Variants in RSF1 observed in about 807,000 individuals in gnomAD.
RSF1 encodes the protein remodeling and spacing factor 1, also known as HBV pX-associated protein 8.
In RSF1, 13 loss-of-function variants were observed where a neutral mutation model predicts 145.2. The observed-to-expected ratio is 0.09, with a 90% CI of 0.06 to 0.14. The LOEUF is 0.14. Ranked by LOEUF, RSF1 falls within the 10% of genes least tolerant of loss-of-function variation. RSF1 has a pLI of 1.00. For missense variants in RSF1, 1,517 were observed against 1,718.2 expected, an observed-to-expected ratio of 0.88 and a Z score of 2.07; for synonymous variants, 577 against 592.6, an observed-to-expected ratio of 0.97 and a Z score of 0.38.
At chr11:77,766,015 TG>T (rs1480134769) in intron 1 of RSF1, among the ~76,000 whole-genome samples, 1 of 152,082 alleles carries the variant, frequency 6.6e-6, no homozygotes, top group Non-Finnish European at 1.5e-5. Flanking sequence ...CCCAAAATGC[TG>T]GGATTACAGG....
At chr11:77,670,608 A>G (rs533620870) in intron 15 of RSF1, among the ~76,000 whole-genome samples, 1 of 152,282 alleles carries the variant, frequency 6.6e-6, no homozygotes, top group South Asian at 2.1e-4. Flanking sequence ...AATAGGGCCT[A>G]GCTTAATAAA....
At chr11:77,713,637 C>A (rs545927678) in intron 5 of RSF1, among the ~76,000 whole-genome samples, 36 of 152,250 alleles carry the variant, frequency 2.4e-4, no homozygotes, top group African/African-American at 7.7e-4. Flanking sequence ...TCTCTTGGAT[C>A]TTCTTTGCCT....
chr11:77,717,296 C>T (rs1228917896), intron 5 of RSF1, among the ~76,000 whole-genome samples: 3 of 151,854 alleles, frequency 2.0e-5, no homozygotes, highest in Non-Finnish European at 2.9e-5. Flanking sequence ...CTTTGGTCCA[C>T]AGAGTTGATA....
intron 4 of RSF1, chr11:77,734,748 G>C: frequency 6.5e-7 from 1 of 1,531,618 alleles, no homozygotes; most frequent in Admixed American, 1.7e-5. Context: ...CGCTCTCCCA[G>C]TCATCACAGT....
intron 1 of RSF1, among the ~76,000 whole-genome samples, chr11:77,804,833 A>C (rs1948661551): frequency 6.6e-6 from 1 of 152,230 alleles, no homozygotes; most frequent in African/African-American, 2.4e-5. Flanking sequence ...TTGTCTCAAA[A>C]AAGGCTGGAT....
intron 2 of RSF1, among the ~76,000 whole-genome samples, chr11:77,757,002 CAG>C (rs1179561832): frequency 6.6e-6 from 1 of 152,122 alleles, no homozygotes; most frequent in Non-Finnish European, 1.5e-5. Context: ...ACTATGAAAA[CAG>C]AGAGGAAACA....
chr11:77,724,907 ACTC>A (rs1961017544), intron 5 of RSF1, among the ~76,000 whole-genome samples: 1 of 151,990 alleles, frequency 6.6e-6, no homozygotes, highest in South Asian at 2.1e-4. Flanking sequence ...GACTGGTACT[ACTC>A]CTTGGCCTGG....
chr11:77,759,800 G>T (rs978506663), intron 2 of RSF1, among the ~76,000 whole-genome samples: 12 of 146,866 alleles, frequency 8.2e-5, no homozygotes, highest in Non-Finnish European at 1.8e-4. Context: ...GACTTTGGGA[G>T]TAATTCACCA....
At chr11:77,823,621 C>A (rs867183063), upstream of RSF1, among the ~76,000 whole-genome samples, 295 of 97,356 alleles carry the variant, frequency 3.0e-3, no homozygotes, top group East Asian at 6.7e-3. Context: ...CACCCTGTCT[C>A]AAAAAAAAAA....
chr11:77,752,377 C>T (rs966712312), intron 2 of RSF1, among the ~76,000 whole-genome samples: 8 of 152,114 alleles, frequency 5.3e-5, no homozygotes, highest in African/African-American at 1.9e-4. Flanking sequence ...GCTGAAAATC[C>T]GCCTGCATAA....
At chr11:77,764,851 T>C (rs900211699) in intron 1 of RSF1, among the ~76,000 whole-genome samples, 162 bp from the exon 2 acceptor site, 1 of 152,182 alleles carries the variant, frequency 6.6e-6, no homozygotes, top group Non-Finnish European at 1.5e-5. Context: ...AAGCCTAAAC[T>C]ACAGCAAGAA....
At chr11:77,779,785 G>A (rs1479459633) in intron 1 of RSF1, among the ~76,000 whole-genome samples, 1 of 152,172 alleles carries the variant, frequency 6.6e-6, no homozygotes, top group Non-Finnish European at 1.5e-5. Flanking sequence ...CAAATAAAAG[G>A]TTAGTTTTTC....
intron 6 of RSF1, among the ~76,000 whole-genome samples, chr11:77,700,172 G>A (rs1327947209): frequency 1.3e-5 from 2 of 151,696 alleles, no homozygotes; most frequent in Non-Finnish European, 2.9e-5. Context: ...CCAACATGGC[G>A]AAAACCCACC....
At chr11:77,813,160 G>A (rs1037625095) in intron 1 of RSF1, among the ~76,000 whole-genome samples, 5 of 152,044 alleles carry the variant, frequency 3.3e-5, no homozygotes, top group African/African-American at 1.2e-4. Context: ...AACTTACTTT[G>A]AGAGAAACCA....
Position 77,664,471 on chromosome 11 carries a change from AT to A in RSF1, c.*2445del, listed in dbSNP as rs1959313055. On this transcript the variant is annotated 3_prime_UTR_variant, in exon 16 of 16. Coordinates refer to ENST00000308488, the MANE Select transcript of RSF1 (RefSeq NM_016578.4). The stretch of plus-strand genomic sequence containing the variant: ...GGCTTTCTATAGTAGAAGAGTAAAA[AT>A]AACTCCTTATTTCACATTAGGCATC... The A allele has an allele frequency of 6.6e-6, 1 of 152,208 alleles. No individual in the cohort carries two copies. The highest frequency in any genetic ancestry group is 2.1e-4 in the South Asian group (1 of 4,832). 9.4% of individuals were successfully genotyped at this position (152,208 alleles called of 1,614,324 possible). A position where few individuals can be genotyped will look rare whatever the true frequency, so the allele number is the denominator to read the frequency against.
chr11:77,690,108 G>C (rs1000599322), intron 9 of RSF1, among the ~76,000 whole-genome samples: 2 of 148,348 alleles, frequency 1.3e-5, no homozygotes, highest in African/African-American at 5.0e-5. Flanking sequence ...GTTGCCATGA[G>C]CCGAGACTGT....
rs1407959889 is a variant in RSF1 at position 77,820,410 on chromosome 11, C to G, written c.187+118G>C. The G allele has an allele frequency of 4.7e-5, 52 of 1,106,942 alleles. No homozygotes were observed. The East Asian group carries it at 1.3e-3, about 28-fold the overall frequency. The allele number at this position is 1,106,942 out of a possible 1,614,324, so 68.6% of individuals were successfully genotyped here. On this transcript the variant is annotated intron_variant, in intron 1 of 15. Transcript: ENST00000308488. ...AGACCAGCCCGGCGGAGTTGCGTCCCAGGGGGAAGACAGAGCCGCGGAGGC... is the reference window on the plus strand; with the variant it reads ...AGACCAGCCCGGCGGAGTTGCGTCCGAGGGGGAAGACAGAGCCGCGGAGGC...
At chr11:77,684,637 T>A (rs1205316439) in intron 10 of RSF1, among the ~76,000 whole-genome samples, 2 of 152,182 alleles carry the variant, frequency 1.3e-5, no homozygotes, top group African/African-American at 4.8e-5. Flanking sequence ...CATGAGGGAT[T>A]ATGGGTGATT....
chr11:77,815,997 T>C (rs893040760), intron 1 of RSF1, among the ~76,000 whole-genome samples: 2 of 152,222 alleles, frequency 1.3e-5, no homozygotes, highest in South Asian at 2.1e-4. Flanking sequence ...CATTACCTCC[T>C]AGTTCCTAGG....
Sources: allele counts gnomAD v4.1 joint callset (sites outside exome capture counted in the v4.1 genomes callset), GRCh38; gene constraint gnomAD v4.1.1; transcripts MANE v1.5; gene names NCBI Gene and HGNC (gene_info 2026-07-23, HGNC 2026-07-21).